KIF1B: variants seen among roughly 807,000 people sequenced by gnomAD.
KIF1B encodes kinesin family member 1B.
A neutral mutation model predicts 241.9 loss-of-function variants in KIF1B; 76 were observed. The observed-to-expected ratio is 0.31, with a 90% confidence interval of 0.26 to 0.38. KIF1B has a LOEUF of 0.38. KIF1B is among the 10% of genes least tolerant of loss of function. The pLI, the probability that KIF1B is intolerant of heterozygous loss-of-function variation, is 1.00. For missense variants in KIF1B, 1,622 were observed against 2,271.4 expected (o/e 0.71, Z 5.81); for synonymous variants, 750 against 796.7 (o/e 0.94, Z 0.99).
intron 6 of KIF1B, among the ~76,000 whole-genome samples, chr1:10,267,837 G>A (rs569743225): frequency 1.3e-5 from 2 of 152,124 alleles, no homozygotes; most frequent in Non-Finnish European, 2.9e-5. Context: ...TATATATGCG[G>A]CTGTGGTAGT....
intron 17 of KIF1B, among the ~76,000 whole-genome samples, chr1:10,293,471 C>T (rs1650111882): frequency 6.7e-6 from 1 of 148,780 alleles, no homozygotes; most frequent in South Asian, 2.1e-4. Flanking sequence ...TCTTGGCTCA[C>T]TGCAACCTCC....
chr1:10,313,374 A>G (rs1445897032), intron 22 of KIF1B, among the ~76,000 whole-genome samples: 30 of 150,750 alleles, frequency 2.0e-4, no homozygotes, highest in Admixed American at 2.0e-3. Flanking sequence ...GCCTAGTACC[A>G]TCTTTATAAG....
At chr1:10,222,299 G>C (rs553527555) in intron 1 of KIF1B, among the ~76,000 whole-genome samples, 6 of 152,312 alleles carry the variant, frequency 3.9e-5, no homozygotes, top group African/African-American at 1.4e-4. Context: ...AGGAATCCAT[G>C]TGTATAGTGT....
In KIF1B at chr1:10,249,697, T is replaced by G. The variant is rs149916525; in HGVS notation, c.107-6550T>G. The stretch of plus-strand genomic sequence containing the variant: ...CAGGAGAATTGCTTCAGCCCAGGAG[T>G]TCGAGACCAGCTGGAGCAACCTAGG... On this transcript the variant is annotated intron_variant, in intron 2 of 48. Coordinates refer to ENST00000676179, the MANE Select transcript of KIF1B (RefSeq NM_001365951.3). 1.2e-4 allele frequency among the ~76,000 whole-genome samples: 18 copies of G among 152,002 alleles called. 1 individual carries two copies. The highest frequency in any genetic ancestry group is 4.3e-4 in the African/African-American group (18 of 41,462).
intron 2 of KIF1B, among the ~76,000 whole-genome samples, chr1:10,250,968 G>T (rs998699958): frequency 4.6e-5 from 7 of 151,978 alleles, no homozygotes; most frequent in East Asian, 1.9e-4. Flanking sequence ...CCTGTTCAAG[G>T]CCAGCCTGGC....
Position 10,269,099 on chromosome 1 carries a change from A to G in KIF1B, c.720+836A>G, listed in dbSNP as rs116306136. 5.3e-3 allele frequency among the ~76,000 whole-genome samples: 809 copies of G among 152,322 alleles called. 6 individuals carry two copies. Among genetic ancestry groups the G allele is most frequent in the African/African-American group, 0.018 (752 of 41,576 alleles). On this transcript the variant is annotated intron_variant, in intron 7 of 48. Transcript: ENST00000676179. ...TTAAGCTTCAAGTTAGGTTTATTGT[A>G]CTGGCAATTATAAAAGATCCTTTGC...
chr1:10,265,200 T>TTTTG (rs1416112716), intron 5 of KIF1B, among the ~76,000 whole-genome samples: 1 of 138,428 alleles, frequency 7.2e-6, no homozygotes, highest in Non-Finnish European at 1.5e-5. Context: ...TTAAAATGGA[T>TTTTG]TTTATTTATT....
chr1:10,260,525 T>G (rs534708530), intron 4 of KIF1B, among the ~76,000 whole-genome samples: 14 of 152,228 alleles, frequency 9.2e-5, no homozygotes, highest in African/African-American at 3.4e-4. Flanking sequence ...TTATAAACTT[T>G]AAAATTTTTT....
In KIF1B at chr1:10,336,786, A is replaced by G. The variant is rs1302544622; in HGVS notation, c.3129+44A>G. 5 of 1,531,240 alleles carry G rather than the reference A, an allele frequency of 3.3e-6. No homozygotes were observed. In the Admixed American group the frequency reaches 5.0e-5, roughly 15 times the overall value. 94.9% of individuals were successfully genotyped at this position (1,531,240 alleles called of 1,614,324 possible). A position where few individuals can be genotyped will look rare whatever the true frequency, so the allele number is the denominator to read the frequency against. ...GAAGGAAAACCCTGTGGAAAGAGAA[A>G]GAATGTTCAGCATTGGAGATCAGTT... On this transcript the variant is annotated intron_variant, in intron 29 of 48. Coordinates refer to ENST00000676179, the MANE Select transcript of KIF1B (RefSeq NM_001365951.3).
chr1:10,293,393 ATTT>A (rs34521613), intron 17 of KIF1B, among the ~76,000 whole-genome samples: 55 of 128,598 alleles, frequency 4.3e-4, no homozygotes, highest in South Asian at 1.2e-3. Context: ...CTGTGAGGAA[ATTT>A]TTTTTTTTTT....
At chr1:10,312,800 G>A (rs1056396988) in intron 22 of KIF1B, among the ~76,000 whole-genome samples, 10 of 151,172 alleles carry the variant, frequency 6.6e-5, no homozygotes, top group African/African-American at 2.0e-4. Flanking sequence ...ACTAGTACTC[G>A]CCACTAAAAT....
rs143654307 is a variant in KIF1B, at chr1:10,256,286, C to A, written c.146C>A (p.Ser49Tyr). The A allele has an allele frequency of 1.3e-4, 206 of 1,612,532 alleles. No homozygotes were observed. Among genetic ancestry groups the A allele is most frequent in the Non-Finnish European group, 1.6e-4 (187 of 1,178,656 alleles). Residue 49 changes from serine (S) to tyrosine (Y), a missense_variant, in exon 3 of 49, where the codon TCC becomes TAC. Transcript: ENST00000676179. Reference protein sequence around the residue: ...NPKNPKEAPKSFSFDYSYWSH... With the variant: ...NPKNPKEAPKYFSFDYSYWSH... ...AAGAATCCAAAGGAAGCTCCAAAGT[C>A]CTTCAGCTTCGACTATTCCTACTGG...
rs995890746 is a variant in KIF1B at position 10,326,695 on chromosome 1, A to G, written c.2924+336A>G. Among the ~76,000 whole-genome samples the G allele has an allele frequency of 2.0e-5, 3 of 152,332 alleles. No individual in the cohort carries two copies. The highest frequency in any genetic ancestry group is 1.9e-4 in the East Asian group (1 of 5,186). Reference sequence around the variant, plus strand: ...GCTAAGAGTCAAACGTAGTGGGTTCAGTGAATAGTATTATGGTCTAGATGT... The same window carrying G: ...GCTAAGAGTCAAACGTAGTGGGTTCGGTGAATAGTATTATGGTCTAGATGT... On this transcript the variant is annotated intron_variant, in intron 27 of 48. Coordinates refer to ENST00000676179, the MANE Select transcript of KIF1B (RefSeq NM_001365951.3). This position sits in a 1 kb window ranked among gnomAD's most constrained non-coding sequence, Gnocchi z 5.2.
intron 14 of KIF1B, among the ~76,000 whole-genome samples, chr1:10,280,111 G>T (rs1041340791): frequency 6.6e-6 from 1 of 152,124 alleles, no homozygotes; most frequent in Non-Finnish European, 1.5e-5. Flanking sequence ...TATATCTTAA[G>T]TTGGTGAGGA....
intron 15 of KIF1B, among the ~76,000 whole-genome samples, chr1:10,288,132 A>G (rs916597867): frequency 2.0e-5 from 3 of 152,208 alleles, no homozygotes; most frequent in African/African-American, 7.2e-5. Flanking sequence ...AGGAAAAGAA[A>G]AAAAAGGAAA....
chr1:10,320,588 C>T (rs759504463), intron 23 of KIF1B, among the ~76,000 whole-genome samples: 2 of 152,180 alleles, frequency 1.3e-5, no homozygotes, highest in Non-Finnish European at 2.9e-5. Context: ...TTAGGGCTTT[C>T]ATTATTACTT....
At chr1:10,265,774 C>G (rs1250645995) in intron 5 of KIF1B, among the ~76,000 whole-genome samples, 4 of 152,034 alleles carry the variant, frequency 2.6e-5, no homozygotes, top group African/African-American at 9.7e-5. Context: ...TGCTTAAGCC[C>G]AGGAAGTCGA....
At chr1:10,330,911 G>A (rs148088694) in intron 27 of KIF1B, among the ~76,000 whole-genome samples, 13 of 152,310 alleles carry the variant, frequency 8.5e-5, no homozygotes, top group Non-Finnish European at 1.5e-4. Context: ...ATCACATAAC[G>A]TTGGGGGACC....
At chr1:10,333,069 C>T (rs1429785099) in intron 27 of KIF1B, among the ~76,000 whole-genome samples, 1 of 151,734 alleles carries the variant, frequency 6.6e-6, no homozygotes, top group Non-Finnish European at 1.5e-5. Flanking sequence ...ACCTCAGCCT[C>T]CCAAAGTGCT....
Sources: gnomAD v4.1 joint callset for allele counts (sites outside exome capture counted in the v4.1 genomes callset) on GRCh38, gnomAD v4.1.1 for gene constraint, Gnocchi (gnomAD v3.1) non-coding constraint, MANE v1.5 for transcripts, NCBI Gene and HGNC (gene_info 2026-07-23, HGNC 2026-07-21) for gene names.